The following AGPAT5 variants were observed in gnomAD, a reference collection of about 807,000 sequenced individuals.
AGPAT5 encodes the protein 1-acyl-sn-glycerol-3-phosphate acyltransferase epsilon.
AGPAT5 carries 46 observed loss-of-function variants against 45.6 expected under a neutral mutation model. The observed-to-expected ratio is 1.01, with a 90% CI of 0.80 to 1.29. The LOEUF (loss-of-function observed/expected upper bound fraction) is 1.29, where lower values mean the gene tolerates loss of function less well. Among genes scored for constraint, AGPAT5 ranks in the 50% most tolerant of loss-of-function variants. AGPAT5 has a pLI of 0.00. For synonymous variants in AGPAT5, 272 were observed against 167.0 expected, an observed-to-expected ratio of 1.63 and a Z score of -4.85; for missense variants, 673 against 450.7, an observed-to-expected ratio of 1.49 and a Z score of -4.47.
chr8:6,752,910 G>C (rs577161387), intron 6 of AGPAT5, among the ~76,000 whole-genome samples: 5 of 152,058 alleles, frequency 3.3e-5, no homozygotes, highest in African/African-American at 1.2e-4. Context: ...CCACTTTGTC[G>C]CATGCTCCTC....
chr8:6,708,984 G>T (rs946790542), intron 1 of AGPAT5, 97 bp downstream of exon 1: 1 of 1,228,534 alleles, frequency 8.1e-7, no homozygotes, highest in Non-Finnish European at 1.2e-6. Context: ...TCACCCGGCC[G>T]GCCCGGCGGA....
Position 6,732,662 on chromosome 8 carries a change from C to A in AGPAT5, c.495+12C>A, listed in dbSNP as rs752006586. 7.0e-6 allele frequency: 11 copies of A among 1,576,636 alleles called. No individual in the cohort carries two copies. Among genetic ancestry groups the A allele is most frequent in the Non-Finnish European group, 9.4e-6 (11 of 1,167,650 alleles). ...ACGCAGGAACTCCAGTAAGAGCCTA[C>A]CCGTTTTTATTTTTCTTACCAGCTC... On this transcript the variant is annotated intron_variant, in intron 4 of 7. Transcript: ENST00000285518.
intron 6 of AGPAT5, among the ~76,000 whole-genome samples, chr8:6,750,006 G>A (rs1400474963): frequency 2.6e-5 from 4 of 152,150 alleles, no homozygotes; most frequent in Non-Finnish European, 4.4e-5. Flanking sequence ...GAGTCCTCCT[G>A]CACCCCATGC....
intron 6 of AGPAT5, among the ~76,000 whole-genome samples, chr8:6,750,586 T>G (rs1007962814): frequency 6.6e-6 from 1 of 152,236 alleles, no homozygotes; most frequent in African/African-American, 2.4e-5. Context: ...CATTTCCTTC[T>G]TGCGTAAAGT....
intron 2 of AGPAT5, among the ~76,000 whole-genome samples, chr8:6,725,617 A>G (rs1800658464): frequency 1.3e-5 from 2 of 152,216 alleles, no homozygotes; most frequent in South Asian, 4.1e-4. Context: ...CAGAATCAGG[A>G]AATTGTCATT....
At chr8:6,743,392 G>A (rs1038706799) in intron 5 of AGPAT5, among the ~76,000 whole-genome samples, 15 of 152,148 alleles carry the variant, frequency 9.9e-5, no homozygotes, top group African/African-American at 3.4e-4. Context: ...CGCTTGACTG[G>A]CCCAAAAGGA....
At chr8:6,717,390 C>A (rs941481026) in intron 1 of AGPAT5, among the ~76,000 whole-genome samples, 3 of 152,086 alleles carry the variant, frequency 2.0e-5, no homozygotes, top group African/African-American at 7.2e-5. Flanking sequence ...GGTGATGGTA[C>A]CTGGAAAGGA....
intron 1 of AGPAT5, among the ~76,000 whole-genome samples, chr8:6,710,005 T>C (rs1800096977): frequency 6.6e-6 from 1 of 152,236 alleles, no homozygotes; most frequent in Non-Finnish European, 1.5e-5. Context: ...TCCCTTTATA[T>C]GGTAACTCCA....
intron 2 of AGPAT5, among the ~76,000 whole-genome samples, chr8:6,729,001 G>C (rs1330594492): frequency 1.3e-5 from 2 of 152,156 alleles, no homozygotes; most frequent in African/African-American, 4.8e-5. Flanking sequence ...ATACACTGTA[G>C]GGGAGAATCT....
chr8:6,722,037 G>T (rs1016812195), intron 1 of AGPAT5, among the ~76,000 whole-genome samples: 1 of 152,020 alleles, frequency 6.6e-6, no homozygotes, highest in Admixed American at 6.6e-5. Context: ...CTGATAAATT[G>T]TGAAAAAGTG....
intron 5 of AGPAT5, 74 bp downstream of exon 5, chr8:6,741,825 A>G: frequency 8.2e-7 from 1 of 1,214,550 alleles, no homozygotes; most frequent in Non-Finnish European, 1.2e-6. Context: ...TTCCTGGAAA[A>G]GATACTTTTG....
chr8:6,730,681 G>T, intron 2 of AGPAT5, 30 bp from the exon 3 acceptor site: 1 of 1,486,284 alleles, frequency 6.7e-7, no homozygotes, highest in African/African-American at 1.4e-5. Context: ...AGAGCCTCAT[G>T]TACGCGCTAA....
chr8:6,729,243 C>T (rs945883279), intron 2 of AGPAT5, among the ~76,000 whole-genome samples: 1 of 152,122 alleles, frequency 6.6e-6, no homozygotes, highest in Admixed American at 6.5e-5. Flanking sequence ...ATAGATTTCC[C>T]ATAGCTGAGA....
At position 6,757,869 on chromosome 8, in the gene AGPAT5, T is replaced by A. The variant is rs180785046; in HGVS notation, c.*481T>A. 390 of 153,832 alleles carry A rather than the reference T, an allele frequency of 2.5e-3. No individual in the cohort carries two copies. The highest frequency in any genetic ancestry group is 0.01 in the Middle Eastern group (3 of 296). 9.5% of individuals were successfully genotyped at this position (153,832 alleles called of 1,614,324 possible). Reference sequence around the variant, plus strand: ...ACAAGTCAGTGAAATAAATTGTATTTAGGAAGTGTCAGGATGTTCAAAGGA... The same window carrying A: ...ACAAGTCAGTGAAATAAATTGTATTAAGGAAGTGTCAGGATGTTCAAAGGA... On this transcript the variant is annotated 3_prime_UTR_variant, in exon 8 of 8. Transcript: ENST00000285518.
chr8:6,713,628 C>G (rs912962136), intron 1 of AGPAT5, among the ~76,000 whole-genome samples: 3 of 152,188 alleles, frequency 2.0e-5, no homozygotes, highest in Admixed American at 2.0e-4. Flanking sequence ...AGTCTCCACT[C>G]ACTGCAACCT....
chr8:6,751,632 C>G (rs758528296), intron 6 of AGPAT5, among the ~76,000 whole-genome samples: 14 of 152,218 alleles, frequency 9.2e-5, no homozygotes, highest in South Asian at 4.1e-4. Context: ...CCTGGGCATT[C>G]TCTCATGGTT....
chr8:6,741,008 A>T (rs1801228051), intron 4 of AGPAT5, among the ~76,000 whole-genome samples: 1 of 152,142 alleles, frequency 6.6e-6, no homozygotes, highest in Non-Finnish European at 1.5e-5. Flanking sequence ...TACTTTCCTA[A>T]GCAGATAAGC....
intron 6 of AGPAT5, among the ~76,000 whole-genome samples, chr8:6,750,604 C>G (rs1426632288): frequency 1.3e-5 from 2 of 151,900 alleles, no homozygotes; most frequent in African/African-American, 2.4e-5. Flanking sequence ...AGTGCACTTA[C>G]AAATTGATAA....
At chr8:6,742,885 A>G (rs1034252046) in intron 5 of AGPAT5, among the ~76,000 whole-genome samples, 1 of 151,956 alleles carries the variant, frequency 6.6e-6, no homozygotes, top group Non-Finnish European at 1.5e-5. Flanking sequence ...TTTGACTTTC[A>G]TTGCTTCCTC....
Sources: gnomAD v4.1 joint callset for allele counts (sites outside exome capture counted in the v4.1 genomes callset) on GRCh38, gnomAD v4.1.1 for gene constraint, MANE v1.5 for transcripts, NCBI Gene and HGNC (gene_info 2026-07-23, HGNC 2026-07-21) for gene names.